Variants in KCNU1 observed in about 807,000 individuals in gnomAD.
KCNU1 encodes potassium calcium-activated channel subfamily U member 1.
Under a neutral mutation model 126.8 loss-of-function variants are expected in KCNU1, and 93 were observed. The ratio of observed to expected loss-of-function variants is 0.73; its 90% CI spans 0.62 to 0.87. The LOEUF is 0.87. KCNU1 is among the 40% of genes least tolerant of loss of function. The probability of loss-of-function intolerance (pLI) is 0.00; values close to 1 mark genes in which losing one functional copy is unlikely to be tolerated. For missense variants in KCNU1, 1,330 were observed against 1,367.1 expected (o/e 0.97, Z 0.43); for synonymous variants, 523 against 494.2 (o/e 1.06, Z -0.77).
intron 19 of KCNU1, among the ~76,000 whole-genome samples, chr8:36,868,503 T>C (rs1585485293): frequency 6.6e-6 from 1 of 152,156 alleles, no homozygotes; most frequent in Non-Finnish European, 1.5e-5. Flanking sequence ...ATGAACTTGA[T>C]ATTTTTAAAG....
chr8:36,800,685 T>C (rs549420529), intron 2 of KCNU1, among the ~76,000 whole-genome samples: 54 of 152,294 alleles, frequency 3.5e-4, no homozygotes, highest in African/African-American at 1.3e-3. Context: ...TCCAACCCAA[T>C]GAAAAATGTA....
At chr8:36,930,399 C>A (rs1808662558) in intron 24 of KCNU1, among the ~76,000 whole-genome samples, 1 of 152,076 alleles carries the variant, frequency 6.6e-6, no homozygotes, top group Non-Finnish European at 1.5e-5. Flanking sequence ...CCTATAATTT[C>A]TAAAGTATAA....
intron 10 of KCNU1, among the ~76,000 whole-genome samples, chr8:36,819,548 A>ATAGT (rs887346783): frequency 2.8e-4 from 42 of 152,098 alleles, no homozygotes; most frequent in African/African-American, 9.9e-4. Context: ...AACTCTATTC[A>ATAGT]TAGTTAAATC....
chr8:36,913,950 G>A (rs1011742137), intron 22 of KCNU1, among the ~76,000 whole-genome samples: 1 of 152,018 alleles, frequency 6.6e-6, no homozygotes, highest in African/African-American at 2.4e-5. Context: ...AATAGCAAAG[G>A]GCTATTACCC....
intron 10 of KCNU1, among the ~76,000 whole-genome samples, chr8:36,832,094 G>A (rs1804573569): frequency 1.3e-5 from 2 of 152,156 alleles, no homozygotes; most frequent in South Asian, 4.1e-4. Flanking sequence ...TATTTCTGAG[G>A]GCTCTGTTCT....
At chr8:36,907,489 C>T (rs1807677567) in intron 20 of KCNU1, among the ~76,000 whole-genome samples, 1 of 152,112 alleles carries the variant, frequency 6.6e-6, no homozygotes, top group African/African-American at 2.4e-5. Flanking sequence ...TAAAACTAAT[C>T]GGATTAGCTA....
At chr8:36,877,995 C>T (rs942779571) in intron 19 of KCNU1, among the ~76,000 whole-genome samples, 2 of 152,142 alleles carry the variant, frequency 1.3e-5, no homozygotes, top group African/African-American at 4.8e-5. Context: ...ATTCTCACTG[C>T]ATTCCAAGAA....
chr8:36,792,770 T>TAGTGTTGTCATTATTAC (rs1404759616), intron 2 of KCNU1, among the ~76,000 whole-genome samples: 17 of 152,194 alleles, frequency 1.1e-4, no homozygotes, highest in Admixed American at 2.6e-4. Flanking sequence ...ATCATTATTA[T>TAGTGTTGTCATTATTAC]AGTGTTGTCA....
intron 10 of KCNU1, among the ~76,000 whole-genome samples, chr8:36,821,276 A>G (rs1804114018): frequency 6.6e-6 from 1 of 152,184 alleles, no homozygotes; most frequent in Admixed American, 6.5e-5. Context: ...ATTGAGAAAC[A>G]TTCTCTACCC....
chr8:36,874,172 A>G (rs1441649086), intron 19 of KCNU1, among the ~76,000 whole-genome samples: 1 of 152,184 alleles, frequency 6.6e-6, no homozygotes, highest in Non-Finnish European at 1.5e-5. Context: ...AAACCAAATA[A>G]TCTGACTCCC....
In KCNU1 at chr8:36,836,727, A is replaced by G. The variant is rs1330531161; in HGVS notation, c.1366-66A>G. 6 of 1,376,920 alleles carry G rather than the reference A, an allele frequency of 4.4e-6. No homozygotes were observed. In the South Asian group the frequency reaches 5.0e-5, roughly 11 times the overall value. The allele number at this position is 1,376,920 out of a possible 1,614,324, so 85.3% of individuals were successfully genotyped here. On this transcript the variant is annotated intron_variant, in intron 13 of 26. Coordinates refer to ENST00000399881, the MANE Select transcript of KCNU1 (RefSeq NM_001031836.3). Reference sequence around the variant, plus strand: ...TAAATTTAAAAAAAGAAAGACATCCATCCTCAAGAGCTTTCTTGAGGTGTG... The same window carrying G: ...TAAATTTAAAAAAAGAAAGACATCCGTCCTCAAGAGCTTTCTTGAGGTGTG...
intron 2 of KCNU1, among the ~76,000 whole-genome samples, chr8:36,790,711 T>C (rs1296457272): frequency 1.3e-5 from 2 of 152,094 alleles, no homozygotes; most frequent in African/African-American, 4.8e-5. Flanking sequence ...ACCCTCCCTT[T>C]TTGCCCCTTC....
intron 18 of KCNU1, among the ~76,000 whole-genome samples, chr8:36,849,806 C>T (rs555392960): frequency 4.5e-4 from 69 of 152,208 alleles, no homozygotes; most frequent in Non-Finnish European, 4.6e-4. Flanking sequence ...AATATCTGTT[C>T]AAGTTCCTGC....
At chr8:36,785,752 A>G (rs1399112836) in intron 1 of KCNU1, among the ~76,000 whole-genome samples, 1 of 152,094 alleles carries the variant, frequency 6.6e-6, no homozygotes, top group East Asian at 1.9e-4. Context: ...AATTTGTAGG[A>G]TTTTTAAATC....
intron 1 of KCNU1, among the ~76,000 whole-genome samples, chr8:36,786,453 C>T (rs982299444): frequency 2.0e-5 from 3 of 152,070 alleles, no homozygotes; most frequent in Non-Finnish European, 2.9e-5. Flanking sequence ...TGAGACTTCC[C>T]TTTTTATCAT....
chr8:36,832,601 C>G (rs976592023), intron 10 of KCNU1, among the ~76,000 whole-genome samples: 4 of 151,970 alleles, frequency 2.6e-5, no homozygotes, highest in African/African-American at 9.7e-5. Flanking sequence ...ATATTTGCAT[C>G]ATTTTTGTCT....
chr8:36,897,254 C>T (rs1256639737), intron 19 of KCNU1, among the ~76,000 whole-genome samples: 2 of 151,908 alleles, frequency 1.3e-5, no homozygotes, highest in African/African-American at 4.8e-5. Flanking sequence ...CTCTCTCTCT[C>T]CCTCTCTCTC....
chr8:36,901,742 G>A (rs1391463495), intron 19 of KCNU1, among the ~76,000 whole-genome samples: 1 of 152,074 alleles, frequency 6.6e-6, no homozygotes, highest in Non-Finnish European at 1.5e-5. Context: ...TGGGCAGTAA[G>A]AAGCAAGACT....
intron 1 of KCNU1, among the ~76,000 whole-genome samples, chr8:36,787,091 G>A (rs1401347912): frequency 6.6e-6 from 1 of 152,110 alleles, no homozygotes; most frequent in Non-Finnish European, 1.5e-5. Flanking sequence ...GCAGAATTCA[G>A]TAGAAAAAAA....
Sources: gnomAD v4.1 joint callset for allele counts (sites outside exome capture counted in the v4.1 genomes callset) on GRCh38, gnomAD v4.1.1 for gene constraint, MANE v1.5 for transcripts, NCBI Gene and HGNC (gene_info 2026-07-23, HGNC 2026-07-21) for gene names.